RUNX1: variants seen among roughly 807,000 people sequenced by gnomAD.
RUNX1 encodes RUNX family transcription factor 1.
A neutral mutation model predicts 42.8 loss-of-function variants in RUNX1; 19 were observed. That is an observed-to-expected ratio of 0.44 (90% CI 0.31 to 0.65). RUNX1 has a LOEUF of 0.65. Ranked by LOEUF, RUNX1 falls within the 30% of genes least tolerant of loss-of-function variation. The pLI is 0.07. For synonymous variants in RUNX1, 271 were observed against 289.4 expected, an observed-to-expected ratio of 0.94 and a Z score of 0.64; for missense variants, 528 against 672.0, an observed-to-expected ratio of 0.79 and a Z score of 2.37.
At chr21:34,900,395 CT>C (rs2058167631) in intron 2 of RUNX1, among the ~76,000 whole-genome samples, 2 of 152,200 alleles carry the variant, frequency 1.3e-5, no homozygotes, top group Non-Finnish European at 2.9e-5. Context: ...AATTTTGCTA[CT>C]AGTCTGCTAG....
intron 2 of RUNX1, among the ~76,000 whole-genome samples, chr21:34,959,558 A>T (rs943378803): frequency 6.6e-6 from 1 of 152,206 alleles, no homozygotes; most frequent in Admixed American, 6.5e-5. Context: ...AAGGCCCTGA[A>T]GTGCATTAAA....
At chr21:34,857,112 G>A (rs2057505010) in intron 6 of RUNX1, among the ~76,000 whole-genome samples, 1 of 152,120 alleles carries the variant, frequency 6.6e-6, no homozygotes, top group African/African-American at 2.4e-5. Context: ...CTTTCTACCT[G>A]GGGCTATTGC....
At chr21:34,936,607 G>A (rs2058487414) in intron 2 of RUNX1, among the ~76,000 whole-genome samples, 1 of 152,162 alleles carries the variant, frequency 6.6e-6, no homozygotes, top group Non-Finnish European at 1.5e-5. Flanking sequence ...CCCAGGGATG[G>A]GACTGCAAGA....
intron 2 of RUNX1, among the ~76,000 whole-genome samples, chr21:35,015,375 C>T (rs1419809096): frequency 1.3e-5 from 2 of 152,142 alleles, no homozygotes; most frequent in East Asian, 3.8e-4. Context: ...CTTTCTTCCC[C>T]TTGTTTTTGG....
At chr21:34,850,605 C>A (rs184908163) in intron 6 of RUNX1, among the ~76,000 whole-genome samples, 8 of 152,274 alleles carry the variant, frequency 5.3e-5, no homozygotes, top group Middle Eastern at 3.4e-3. Context: ...GTCACCCACA[C>A]GTGACTTTTC....
chr21:34,949,194 A>C (rs912991978), intron 2 of RUNX1, among the ~76,000 whole-genome samples: 48 of 152,232 alleles, frequency 3.2e-4, no homozygotes, highest in African/African-American at 1.1e-3. Flanking sequence ...TTGACCTAAA[A>C]GTGGGGGAAA....
At chr21:35,049,067 A>T (rs1022987210) in intron 1 of RUNX1, 101 bp downstream of exon 1, 19 of 643,868 alleles carry the variant, frequency 3.0e-5, no homozygotes, top group Non-Finnish European at 5.3e-5. Context: ...CCCAAGCCCT[A>T]TTAAAAAATG....
chr21:34,874,610 C>CAAAAAAAAAAAA lies in RUNX1; in HGVS notation c.508+5935_508+5946dup, dbSNP rs59950735. 5.5e-4 allele frequency among the ~76,000 whole-genome samples: 14 copies of CAAAAAAAAAAAA among 25,298 alleles called. 4 individuals carry two copies. Among genetic ancestry groups the CAAAAAAAAAAAA allele is most frequent in the African/African-American group, 2.5e-3 (11 of 4,368 alleles). 16.6% of individuals were successfully genotyped at this position (25,298 alleles called of 152,430 possible). ...AGGCAACAAGAGGGAAACTCTGTCT[C>CAAAAAAAAAAAA]AAAAAAAAAAAAAAAAAAAAAAAAA... On this transcript the variant is annotated intron_variant, in intron 5 of 8. Transcript: ENST00000675419.
chr21:35,002,783 G>A (rs34468007), intron 2 of RUNX1, among the ~76,000 whole-genome samples: 34 of 151,960 alleles, frequency 2.2e-4, no homozygotes, highest in African/African-American at 8.0e-4. Context: ...AGGTCAGGAA[G>A]TTTTATGTTT....
Position 34,999,662 on chromosome 21 carries a change from A to G in RUNX1, c.58+49180T>C, listed in dbSNP as rs115532437. Among the ~76,000 whole-genome samples the G allele has an allele frequency of 8.2e-3, 1,248 of 152,330 alleles. 13 individuals carry two copies. Among genetic ancestry groups the G allele is most frequent in the African/African-American group, 0.029 (1,200 of 41,576 alleles). ...TGTGGGGACCGAGATGAAAGGGGAC[A>G]GCTGTTTCAGTGCTGGGTTTTGTGA... On this transcript the variant is annotated intron_variant, in intron 2 of 8. Coordinates refer to ENST00000675419, the MANE Select transcript of RUNX1 (RefSeq NM_001754.5).
intron 2 of RUNX1, among the ~76,000 whole-genome samples, chr21:34,945,417 C>T (rs945606342): frequency 1.3e-5 from 2 of 152,146 alleles, no homozygotes; most frequent in African/African-American, 4.8e-5. Context: ...TACATTTTCC[C>T]CTACCAACTC....
chr21:34,814,915 CACTG>C (rs1182565709), intron 7 of RUNX1, among the ~76,000 whole-genome samples: 1 of 152,154 alleles, frequency 6.6e-6, no homozygotes, highest in Non-Finnish European at 1.5e-5. Context: ...CCTTTGTGTT[CACTG>C]ACTGACTCTC....
chr21:34,951,850 C>T (rs2058610781), intron 2 of RUNX1, among the ~76,000 whole-genome samples: 1 of 152,100 alleles, frequency 6.6e-6, no homozygotes, highest in Non-Finnish European at 1.5e-5. Context: ...CTAGAAATAC[C>T]ATTTGACCCA....
intron 2 of RUNX1, among the ~76,000 whole-genome samples, chr21:34,999,011 C>T (rs1280365027): frequency 1.3e-5 from 2 of 152,224 alleles, no homozygotes; most frequent in Admixed American, 1.3e-4. Flanking sequence ...TGATGGGAGA[C>T]AGGCACATGG....
chr21:34,872,786 G>A (rs2057758856), intron 5 of RUNX1, among the ~76,000 whole-genome samples: 1 of 152,004 alleles, frequency 6.6e-6, no homozygotes, highest in Non-Finnish European at 1.5e-5. Context: ...GTAGATCCCT[G>A]GCCTCTACTT....
At chr21:35,039,007 G>A (rs2059338217) in intron 2 of RUNX1, among the ~76,000 whole-genome samples, 1 of 152,320 alleles carries the variant, frequency 6.6e-6, no homozygotes, top group Admixed American at 6.5e-5. Context: ...GGGGAAGAGA[G>A]AACATCCAAA....
intron 4 of RUNX1, among the ~76,000 whole-genome samples, chr21:34,880,934 T>C (rs1429615673): frequency 6.6e-6 from 1 of 152,248 alleles, no homozygotes; most frequent in Non-Finnish European, 1.5e-5. Flanking sequence ...AATTGCAGTG[T>C]TTGCAATTTT....
rs149426543 is a variant in RUNX1, at chr21:34,896,164, G to A, written c.59-3201C>T. Among the ~76,000 whole-genome samples the A allele has an allele frequency of 5.4e-3, 817 of 152,186 alleles. 9 individuals are homozygous for A. Among genetic ancestry groups the A allele is most frequent in the African/African-American group, 0.019 (768 of 41,496 alleles). ...GGGGAAAACAGGAATTCTGGGGAGA[G>A]GTTTCATGTAGAAATAATGAGCTGA... On this transcript the variant is annotated intron_variant, in intron 2 of 8. Transcript: ENST00000675419.
intron 2 of RUNX1, among the ~76,000 whole-genome samples, chr21:34,965,195 C>T (rs1024863124): frequency 8.5e-5 from 13 of 152,104 alleles, no homozygotes; most frequent in Non-Finnish European, 1.9e-4. Context: ...CATATGCTCC[C>T]GCACGTGCAC....
Sources: allele counts gnomAD v4.1 joint callset (sites outside exome capture counted in the v4.1 genomes callset), GRCh38; gene constraint gnomAD v4.1.1; transcripts MANE v1.5; gene names NCBI Gene and HGNC (gene_info 2026-07-23, HGNC 2026-07-21).